NPLOC4: variants seen among roughly 807,000 people sequenced by gnomAD.
NPLOC4 encodes the protein NPL4 homolog, ubiquitin recognition factor, also known as nuclear protein localization protein 4 homolog.
In NPLOC4, 18 loss-of-function variants were observed where a neutral mutation model predicts 80.6. That is an observed-to-expected ratio of 0.22 (90% CI 0.15 to 0.33). The LOEUF (loss-of-function observed/expected upper bound fraction) is 0.33, where lower values mean the gene tolerates loss of function less well. NPLOC4 is among the 10% of genes least tolerant of loss of function. The pLI, the probability that NPLOC4 is intolerant of heterozygous loss-of-function variation, is 1.00. For missense variants in NPLOC4, 540 were observed against 786.1 expected (o/e 0.69, Z 3.74); for synonymous variants, 313 against 301.5 (o/e 1.04, Z -0.39).
intron 3 of NPLOC4, among the ~76,000 whole-genome samples, chr17:81,617,043 C>T (rs2035512967): frequency 6.6e-6 from 1 of 152,142 alleles, no homozygotes; most frequent in Non-Finnish European, 1.5e-5. Context: ...ATGCAGGGGG[C>T]AGGGATACAA....
At chr17:81,620,691 A>G (rs972200858) in intron 3 of NPLOC4, among the ~76,000 whole-genome samples, 8 of 151,924 alleles carry the variant, frequency 5.3e-5, no homozygotes, top group Non-Finnish European at 8.8e-5. Context: ...GAGGAGGGAG[A>G]AAAAAAGGCC....
chr17:81,593,707 G>A (rs1292446612), intron 11 of NPLOC4, among the ~76,000 whole-genome samples: 2 of 151,698 alleles, frequency 1.3e-5, no homozygotes, highest in African/African-American at 4.8e-5. Flanking sequence ...AGAGTATGAC[G>A]ACACTTTTCT....
chr17:81,613,551 A>G, intron 3 of NPLOC4, 57 bp from the exon 4 acceptor site: 1 of 1,532,020 alleles, frequency 6.5e-7, no homozygotes, highest in Non-Finnish European at 8.8e-7. Context: ...GCTTCATGGA[A>G]GCCCAACTTG....
In NPLOC4 at chr17:81,581,375, A is replaced by AAAAAAAAAGTC. The variant is rs1555680405; in HGVS notation, c.1281+7568_1281+7569insGACTTTTTTTT. On this transcript the variant is annotated intron_variant, in intron 12 of 16. Coordinates refer to ENST00000331134, the MANE Select transcript of NPLOC4 (RefSeq NM_017921.4). Reference sequence around the variant, plus strand: ...AAAAAAAAAAAAAAAAAAAAAAAAAAAGTTAATAAAATCACCATGTCACAA... The same window carrying AAAAAAAAAGTC: ...AAAAAAAAAAAAAAAAAAAAAAAAAAAAAAAAAAGTCAGTTAATAAAATCACCATGTCACAA... Among the ~76,000 whole-genome samples, 448 of 72,836 alleles carry AAAAAAAAAGTC rather than the reference A, an allele frequency of 6.2e-3. 124 individuals are homozygous for AAAAAAAAAGTC. Among genetic ancestry groups the AAAAAAAAAGTC allele is most frequent in the African/African-American group, 0.013 (275 of 21,108 alleles). 47.8% of individuals were successfully genotyped at this position (72,836 alleles called of 152,430 possible).
chr17:81,627,361 C>A (rs2035822813), intron 2 of NPLOC4, among the ~76,000 whole-genome samples: 1 of 150,202 alleles, frequency 6.7e-6, no homozygotes. Flanking sequence ...CACTGCATTC[C>A]AGCCTGGGCA....
At chr17:81,604,057 C>G (rs893596659) in intron 8 of NPLOC4, among the ~76,000 whole-genome samples, 7 of 152,086 alleles carry the variant, frequency 4.6e-5, no homozygotes, top group Non-Finnish European at 8.8e-5. Context: ...GCGGGATATA[C>G]CCTCAGGACA....
rs143159951 is a variant in NPLOC4 at position 81,581,612 on chromosome 17, C to G, written c.1281+7332G>C. Among the ~76,000 whole-genome samples the G allele has an allele frequency of 3.5e-4, 54 of 152,318 alleles. No homozygotes were observed. In the East Asian group the frequency reaches 0.01, roughly 29 times the overall value. ...ACAGCACCAAGGCCACCTCTCCTCA[C>G]TCCCCCACAACGATTACAGAAATCA... On this transcript the variant is annotated intron_variant, in intron 12 of 16. Coordinates refer to ENST00000331134, the MANE Select transcript of NPLOC4 (RefSeq NM_017921.4).
Position 81,558,967 on chromosome 17 carries a change from G to C in NPLOC4, c.*292C>G, listed in dbSNP as rs115775110. 517 of 324,726 alleles carry C rather than the reference G, an allele frequency of 1.6e-3. 3 individuals are homozygous for C. Among genetic ancestry groups the C allele is most frequent in the African/African-American group, 0.01 (477 of 46,866 alleles). The allele number at this position is 324,726 out of a possible 1,614,324, so 20.1% of individuals were successfully genotyped here. A position where few individuals can be genotyped will look rare whatever the true frequency, so the allele number is the denominator to read the frequency against. On this transcript the variant is annotated 3_prime_UTR_variant, in exon 17 of 17. Coordinates refer to ENST00000331134, the MANE Select transcript of NPLOC4 (RefSeq NM_017921.4). ...AATTCCAGGTGCCACGTAGAGGCGA[G>C]AGGTCTTTCCAACACGGCGGGGGAC...
intron 1 of NPLOC4, among the ~76,000 whole-genome samples, chr17:81,634,058 C>A (rs776289742): frequency 6.6e-6 from 1 of 150,830 alleles, no homozygotes; most frequent in Admixed American, 6.6e-5. Context: ...TTTTAGTAGA[C>A]GTGGGGTTTC....
At chr17:81,627,091 A>AAAAAAAAAAAG in intron 2 of NPLOC4, among the ~76,000 whole-genome samples, 1 of 148,896 alleles carries the variant, frequency 6.7e-6, no homozygotes, top group South Asian at 2.1e-4. Flanking sequence ...CTTCGTCTCA[A>AAAAAAAAAAAG]AAAAAAAAAA....
chr17:81,588,670 C>A (rs2034654254), intron 12 of NPLOC4, among the ~76,000 whole-genome samples: 1 of 152,250 alleles, frequency 6.6e-6, no homozygotes, highest in South Asian at 2.1e-4. Flanking sequence ...TCTTTAGAAA[C>A]TGAGACTGTC....
intron 16 of NPLOC4, 181 bp downstream of exon 16, chr17:81,565,324 C>T (rs1168274352): frequency 1.1e-5 from 8 of 705,844 alleles, no homozygotes; most frequent in East Asian, 2.7e-5. Context: ...GCTCCATCAC[C>T]GGAGCCTGCC....
chr17:81,567,090 GTCTAAC>G lies in NPLOC4; in HGVS notation c.1566+321_1566+326del, dbSNP rs1317562662. 1 of 295,460 alleles carries G rather than the reference GTCTAAC, an allele frequency of 3.4e-6. No homozygotes were observed. Among genetic ancestry groups the G allele is most frequent in the Non-Finnish European group, 6.5e-6 (1 of 154,382 alleles). The allele number at this position is 295,460 out of a possible 1,614,324, so 18.3% of individuals were successfully genotyped here. ...TGTTAGAACAGGAATTTTTTAAACT[GTCTAAC>G]TCTAATGCTGGAGGCAGAGCTAAAT... On this transcript the variant is annotated intron_variant, in intron 15 of 16. Coordinates refer to ENST00000331134, the MANE Select transcript of NPLOC4 (RefSeq NM_017921.4). The surrounding 1 kb of genome is among the most constrained non-coding windows in gnomAD (Gnocchi z 4.5).
chr17:81,606,321 G>C (rs981029754), intron 7 of NPLOC4, among the ~76,000 whole-genome samples: 9 of 152,084 alleles, frequency 5.9e-5, no homozygotes, highest in Non-Finnish European at 1.5e-5. Context: ...TCCTTCCTGA[G>C]CCACATTCTC....
chr17:81,605,048 C>T (rs1450882588), intron 7 of NPLOC4, among the ~76,000 whole-genome samples: 1 of 151,848 alleles, frequency 6.6e-6, no homozygotes, highest in African/African-American at 2.4e-5. Flanking sequence ...ATCATGAGGT[C>T]AGGAGATCAA....
intron 11 of NPLOC4, among the ~76,000 whole-genome samples, chr17:81,590,511 GTATT>G (rs1037458286): frequency 6.6e-6 from 1 of 152,012 alleles, no homozygotes; most frequent in Non-Finnish European, 1.5e-5. Flanking sequence ...TATTTTTTAG[GTATT>G]TATTTATTGT....
chr17:81,577,145 GC>G lies in NPLOC4; in HGVS notation c.1282-5058del, dbSNP rs2034322650. ...GTGGGTTCCTCAGAGATACCCTCTG[GC>G]CCCTCCACAGCTGGCTCCTTGAAGG... On this transcript the variant is annotated intron_variant, in intron 12 of 16. Transcript: ENST00000331134. The surrounding 1 kb of genome is among the most constrained non-coding windows in gnomAD (Gnocchi z 4.3). 6.6e-6 allele frequency among the ~76,000 whole-genome samples: 1 copy of G among 152,024 alleles called. No individual in the cohort carries two copies. Among genetic ancestry groups the G allele is most frequent in the Admixed American group, 6.5e-5 (1 of 15,270 alleles).
chr17:81,626,308 T>A, intron 2 of NPLOC4, among the ~76,000 whole-genome samples: 1 of 135,996 alleles, frequency 7.4e-6, no homozygotes. Flanking sequence ...AGAGCGAGAC[T>A]CCATCTCAAG....
chr17:81,590,271 T>C (rs979118150), intron 11 of NPLOC4, among the ~76,000 whole-genome samples: 1 of 152,098 alleles, frequency 6.6e-6, no homozygotes, highest in Admixed American at 6.5e-5. Flanking sequence ...TCTCTCCCAG[T>C]CTCCACTCCA....
Sources: gnomAD v4.1 joint callset for allele counts (sites outside exome capture counted in the v4.1 genomes callset) on GRCh38, gnomAD v4.1.1 for gene constraint, Gnocchi (gnomAD v3.1) non-coding constraint, MANE v1.5 for transcripts, NCBI Gene and HGNC (gene_info 2026-07-23, HGNC 2026-07-21) for gene names.